Variants in OR5V1 observed in about 807,000 individuals in gnomAD.
OR5V1 encodes olfactory receptor family 5 subfamily V member 1, also known as olfactory receptor 5V1.
For synonymous variants in OR5V1, 134 were observed against 143.2 expected, an observed-to-expected ratio of 0.94 and a Z score of 0.46; for missense variants, 365 against 371.5, an observed-to-expected ratio of 0.98 and a Z score of 0.14.
Position 29,355,850 on chromosome 6 carries a change from C to A in OR5V1, c.346G>T (p.Ala116Ser). 1 of 1,613,960 alleles carries A rather than the reference C, an allele frequency of 6.2e-7. No homozygotes were observed. The highest frequency in any genetic ancestry group is 1.7e-5 in the Admixed American group (1 of 59,950). The change falls in exon 2 of 2, where the codon GCA becomes TCA. Residue 116 changes from alanine to serine, a missense_variant. By Grantham distance (99) the Ala-to-Ser change is moderately conservative. Transcript: ENST00000641768. ...FFVGSECLLL[A>S]AMAYDRYIAI... is the part of the protein sequence containing the mutation. ...ATGTAACGATCATATGCCATTGCTG[C>A]CAGTAGGAGACACTCTGATCCTACA...
intron 1 of OR5V1, among the ~76,000 whole-genome samples, chr6:29,360,094 C>A (rs912205025): frequency 1.3e-5 from 2 of 152,120 alleles, no homozygotes; most frequent in Non-Finnish European, 2.9e-5. Flanking sequence ...GGGGCATCCA[C>A]CATTAGTGAG....
At position 29,355,636 on chromosome 6, in the gene OR5V1, A is replaced by C; in HGVS notation, c.560T>G (p.Leu187Trp). The C allele has an allele frequency of 6.2e-7, 1 of 1,614,044 alleles. No homozygotes were observed. Among genetic ancestry groups the C allele is most frequent in the Non-Finnish European group, 8.5e-7 (1 of 1,179,932 alleles). ...FFCDIPPLLI[L>W]SCGNTSVNEL... is the part of the protein sequence containing the mutation. ...ATTGACAGAAGTGTTTCCACAAGAC[A>C]AGATCAGCAAAGGGGGGATGTCACA... The change falls in exon 2 of 2, where the codon TTG (leucine) becomes TGG (tryptophan). Residue 187 changes from leucine (L) to tryptophan (W), a missense_variant. Leu to Trp is a moderately conservative substitution (Grantham distance 61). Transcript: ENST00000641768.
intron 1 of OR5V1, among the ~76,000 whole-genome samples, chr6:29,365,169 A>G (rs1778788704): frequency 1.3e-5 from 2 of 152,168 alleles, no homozygotes; most frequent in Admixed American, 1.3e-4. Flanking sequence ...TAAAGACTTA[A>G]ACATAAAACC....
rs752092452 is a variant in OR5V1, at chr6:29,355,660, CAGA to C, written c.533_535del (p.Phe178del). On this transcript the variant is annotated inframe_deletion, in exon 2 of 2. Transcript: ENST00000641768. ...CAAGATCAGCAAAGGGGGGATGTCA[CAGA>C]AGAAGTAATTAATCTGATTGTTGCC... The C allele has an allele frequency of 6.2e-7, 1 of 1,614,010 alleles. No individual in the cohort carries two copies. The highest frequency in any genetic ancestry group is 1.1e-5 in the South Asian group (1 of 91,072).
intron 1 of OR5V1, among the ~76,000 whole-genome samples, chr6:29,364,802 A>G (rs1384436585): frequency 1.3e-4 from 2 of 15,510 alleles, no homozygotes; most frequent in African/African-American, 2.4e-4. Flanking sequence ...CGTCTCAAAA[A>G]AAAAAAAAAA....
Position 29,355,347 on chromosome 6 carries a change from G to A in OR5V1, c.849C>T (p.Pro283=), listed in dbSNP as rs1778208773. ...ATGTGTAAATTATAGGGTTTAGCAT[G>A]GGGGTAACAACACTGTACAACACTG... is the stretch of plus-strand genomic sequence containing the variant. ...LVSVLYSVVT[P]MLNPIIYTLR... is the part of the protein sequence containing the mutation. The change falls in exon 2 of 2, where the codon CCC becomes CCT. Residue 283 remains proline, a synonymous_variant. Coordinates refer to ENST00000641768, the MANE Select transcript of OR5V1 (RefSeq NM_030876.6). 6.2e-7 allele frequency: 1 copy of A among 1,613,852 alleles called. No individual in the cohort carries two copies. Among genetic ancestry groups the A allele is most frequent in the Admixed American group, 1.7e-5 (1 of 59,986 alleles).
At chr6:29,367,461 A>G (rs1193193294) in intron 1 of OR5V1, among the ~76,000 whole-genome samples, 2 of 152,202 alleles carry the variant, frequency 1.3e-5, no homozygotes, top group African/African-American at 4.8e-5. Context: ...TACTGTTGGA[A>G]TATAAGGCAG....
rs1778983883 is a variant in OR5V1 at position 29,368,826 on chromosome 6, GGAGT to G, written c.-281_-278del. On this transcript the variant is annotated 5_prime_UTR_variant, in exon 1 of 2. Coordinates refer to ENST00000641768, the MANE Select transcript of OR5V1 (RefSeq NM_030876.6). Reference sequence around the variant, plus strand: ...TCCCTGAAGGCCAGTGCATGGGACTGGAGTGAGTAAGGAAAATGCCCTTTGGATT... The same window carrying G: ...TCCCTGAAGGCCAGTGCATGGGACTGGAGTAAGGAAAATGCCCTTTGGATT... 6.6e-6 allele frequency: 1 copy of G among 152,138 alleles called. No homozygotes were observed. Among genetic ancestry groups the G allele is most frequent in the Non-Finnish European group, 1.5e-5 (1 of 68,022 alleles). The allele number at this position is 152,138 out of a possible 1,614,324, so 9.4% of individuals were successfully genotyped here. A position where few individuals can be genotyped will look rare whatever the true frequency, so the allele number is the denominator to read the frequency against.
At chr6:29,356,842 ATTT>A (rs1778336571) in intron 1 of OR5V1, among the ~76,000 whole-genome samples, 1 of 152,242 alleles carries the variant, frequency 6.6e-6, no homozygotes, top group Admixed American at 6.5e-5. Flanking sequence ...AAAAGTACCT[ATTT>A]TAATCTGATT....
At chr6:29,359,337 G>T (rs1234373313) in intron 1 of OR5V1, among the ~76,000 whole-genome samples, 1 of 152,080 alleles carries the variant, frequency 6.6e-6, no homozygotes, top group Non-Finnish European at 1.5e-5. Flanking sequence ...AAGTTTCAGA[G>T]AAATTAAATA....
In OR5V1 at chr6:29,354,733, T is replaced by C. The variant is rs1051566554; in HGVS notation, c.*497A>G. ...AAAATTAAAATTAGCTACCAACAGA[T>C]CTGGAGGTAAAACATCACTTTACTG... On this transcript the variant is annotated 3_prime_UTR_variant, in exon 2 of 2. Transcript: ENST00000641768. 1 of 152,284 alleles carries C rather than the reference T, an allele frequency of 6.6e-6. No individual in the cohort carries two copies. Among genetic ancestry groups the C allele is most frequent in the Non-Finnish European group, 1.5e-5 (1 of 68,128 alleles). 9.4% of individuals were successfully genotyped at this position (152,284 alleles called of 1,614,324 possible).
intron 1 of OR5V1, among the ~76,000 whole-genome samples, chr6:29,363,104 T>C (rs1488088177): frequency 1.3e-5 from 2 of 151,904 alleles, no homozygotes; most frequent in Non-Finnish European, 2.9e-5. Context: ...CAATAAAAAA[T>C]GGTAAAGGAG....
chr6:29,368,608 A>C (rs1778975129), intron 1 of OR5V1, 24 bp downstream of exon 1: 2 of 152,222 alleles, frequency 1.3e-5, no homozygotes, highest in South Asian at 4.1e-4. Flanking sequence ...ATAGTTAAGC[A>C]ATTAAAAATA....
rs771855334 is a variant in OR5V1, at chr6:29,368,799, A to G, written c.-250T>C. 1 of 152,172 alleles carries G rather than the reference A, an allele frequency of 6.6e-6. No homozygotes were observed. Among genetic ancestry groups the G allele is most frequent in the Non-Finnish European group, 1.5e-5 (1 of 68,044 alleles). The allele number at this position is 152,172 out of a possible 1,614,324, so 9.4% of individuals were successfully genotyped here. A position where few individuals can be genotyped will look rare whatever the true frequency, so the allele number is the denominator to read the frequency against. On this transcript the variant is annotated 5_prime_UTR_variant, in exon 1 of 2. Transcript: ENST00000641768. ...CTAGGTGAGTGCCAAGACTCTACTC[A>G]GTCCCTGAAGGCCAGTGCATGGGAC...
In OR5V1 at chr6:29,355,835, C is replaced by T; in HGVS notation, c.361G>A (p.Asp121Asn). 6.2e-7 allele frequency: 1 copy of T among 1,614,014 alleles called. No homozygotes were observed. Among genetic ancestry groups the T allele is most frequent in the Non-Finnish European group, 8.5e-7 (1 of 1,179,958 alleles). ...ECLLLAAMAY[D>N]RYIAICNPLR... The stretch of plus-strand genomic sequence containing the variant: ...GGATTGCAGATTGCAATGTAACGAT[C>T]ATATGCCATTGCTGCCAGTAGGAGA... The change falls in exon 2 of 2, where the codon GAT becomes AAT. Residue 121 changes from aspartate (D) to asparagine (N), a missense_variant. Transcript: ENST00000641768.
chr6:29,368,117 A>C (rs986462772), intron 1 of OR5V1, among the ~76,000 whole-genome samples: 5 of 152,134 alleles, frequency 3.3e-5, no homozygotes, highest in Non-Finnish European at 7.4e-5. Flanking sequence ...AGAATCTTAA[A>C]ATTTCAAATT....
chr6:29,356,199 G>A lies in OR5V1; in HGVS notation c.-4C>T. ...CTGTTTGATTCTTTCTTTCCATGAT[G>A]TCGCCTGGTTTCCTTTCAGGAATTG... On this transcript the variant is annotated 5_prime_UTR_variant, in exon 2 of 2. Transcript: ENST00000641768. 6.4e-7 allele frequency: 1 copy of A among 1,553,292 alleles called. No individual in the cohort carries two copies. Among genetic ancestry groups the A allele is most frequent in the African/African-American group, 1.4e-5 (1 of 72,692 alleles).
chr6:29,355,502 C>G lies in OR5V1; in HGVS notation c.694G>C (p.Glu232Gln). The G allele has an allele frequency of 6.2e-7, 1 of 1,613,956 alleles. No individual in the cohort carries two copies. Residue 232 changes from glutamate to glutamine, a missense_variant, in exon 2 of 2, where the codon GAG becomes CAG. Physicochemically the swap from Glu to Gln is conservative, Grantham distance 29. Coordinates refer to ENST00000641768, the MANE Select transcript of OR5V1 (RefSeq NM_030876.6). The part of the protein sequence containing the change: ...ISTILRIQSS[E>Q]GRRKAFSTCA... ...GTAGAGAAGGCTTTTCGTCTTCCCT[C>G]TGAGGACTGGATCCTCAAGATGGTG...
chr6:29,368,567 A>G (rs1293772444), intron 1 of OR5V1, 65 bp downstream of exon 1: 1 of 152,218 alleles, frequency 6.6e-6, no homozygotes, highest in Non-Finnish European at 1.5e-5. Context: ...AAAGCAAGAC[A>G]GAAAAGTGTA....
Sources: gnomAD v4.1 joint callset for allele counts (sites outside exome capture counted in the v4.1 genomes callset) on GRCh38, gnomAD v4.1.1 for gene constraint, MANE v1.5 for transcripts, NCBI Gene and HGNC (gene_info 2026-07-23, HGNC 2026-07-21) for gene names.